Variants in LANCL3 observed in about 807,000 individuals in gnomAD.
LANCL3 encodes lanC-like protein 3.
In LANCL3, 19 loss-of-function variants were observed where a neutral mutation model predicts 26.5. The ratio of observed to expected loss-of-function variants is 0.72; its 90% CI spans 0.50 to 1.05. LANCL3 has a LOEUF of 1.05. Ranked by LOEUF, LANCL3 falls within the 50% of genes least tolerant of loss-of-function variation. The pLI is 0.00. For synonymous variants in LANCL3, 160 were observed against 166.6 expected (o/e 0.96, Z 0.30); for missense variants, 318 against 362.7 (o/e 0.88, Z 1.00).
Position 37,681,325 on chromosome X carries a change from A to G in LANCL3, c.*5512A>G, listed in dbSNP as rs1381162539. 1.8e-5 allele frequency: 2 copies of G among 112,520 alleles called. No homozygotes were observed. The highest frequency in any genetic ancestry group is 1.9e-4 in the Admixed American group (2 of 10,648). The allele number at this position is 112,520 out of a possible 1,213,427, so 9.3% of individuals were successfully genotyped here. On this transcript the variant is annotated 3_prime_UTR_variant, in exon 5 of 5. Coordinates refer to ENST00000378619, the MANE Select transcript of LANCL3 (RefSeq NM_001170331.2). ...ACTGAGTCTTCAAACTCTAGTGTGT[A>G]TTTTATACTTACTATACATCTCCAG...
chrX:37,645,530 A>G (rs1925964844), intron 1 of LANCL3, among the ~76,000 whole-genome samples: 1 of 112,595 alleles, frequency 8.9e-6, no homozygotes, highest in Non-Finnish European at 1.9e-5. Context: ...TCTGTCTTAC[A>G]TGCAGAATAT....
chrX:37,661,005 GGC>G (rs201503017), intron 3 of LANCL3, among the ~76,000 whole-genome samples: 26 of 89,702 alleles, frequency 2.9e-4, no homozygotes, highest in African/African-American at 1.5e-3. Flanking sequence ...CTTTTTTGTG[GGC>G]GGGGGGGGAA....
chrX:37,622,469 AT>A (rs1925193350), intron 1 of LANCL3, among the ~76,000 whole-genome samples: 2 of 110,414 alleles, frequency 1.8e-5, no homozygotes, highest in Non-Finnish European at 3.8e-5. Flanking sequence ...TGAAAAAAAA[AT>A]TTTTTTAACT....
At chrX:37,609,886 A>G (rs1406043318) in intron 1 of LANCL3, among the ~76,000 whole-genome samples, 1 of 111,805 alleles carries the variant, frequency 8.9e-6, no homozygotes, top group Non-Finnish European at 1.9e-5. Flanking sequence ...AGTGGAAAAT[A>G]TACTGTGACT....
chrX:37,593,636 A>G (rs1924349940), intron 1 of LANCL3, among the ~76,000 whole-genome samples: 1 of 112,301 alleles, frequency 8.9e-6, no homozygotes, highest in Non-Finnish European at 1.9e-5. Context: ...AAAACAATGA[A>G]CATGTATTTC....
intron 1 of LANCL3, among the ~76,000 whole-genome samples, chrX:37,607,957 A>G (rs781837298): frequency 3.6e-5 from 4 of 112,283 alleles, no homozygotes; most frequent in Admixed American, 9.4e-5. Context: ...TAGCTGTTTA[A>G]GGTATTTAGT....
intron 1 of LANCL3, among the ~76,000 whole-genome samples, chrX:37,602,803 A>T (rs1445579821): frequency 1.5e-4 from 17 of 111,471 alleles, no homozygotes; most frequent in African/African-American, 5.6e-4. Context: ...TTAATTAAAA[A>T]CAGCATGTAC....
intron 1 of LANCL3, among the ~76,000 whole-genome samples, chrX:37,631,910 G>GA (rs1280825765): frequency 9.1e-6 from 1 of 110,040 alleles, no homozygotes; most frequent in African/African-American, 3.3e-5. Context: ...GTGTGGTGCT[G>GA]AAAAAAAATG....
intron 1 of LANCL3, among the ~76,000 whole-genome samples, chrX:37,650,019 C>T (rs1302039424): frequency 6.3e-5 from 7 of 110,728 alleles, no homozygotes; most frequent in African/African-American, 9.9e-5. Context: ...AAAAAGATCC[C>T]GGCCAGGCGT....
chrX:37,614,920 C>T (rs1353779042), intron 1 of LANCL3, among the ~76,000 whole-genome samples: 3 of 112,457 alleles, frequency 2.7e-5, no homozygotes, highest in Non-Finnish European at 1.9e-5. Flanking sequence ...ACTCAATCCT[C>T]ACTATTATAC....
chrX:37,584,551 G>A (rs1924004683), intron 1 of LANCL3, among the ~76,000 whole-genome samples: 2 of 111,409 alleles, frequency 1.8e-5, no homozygotes, highest in South Asian at 3.8e-4. Flanking sequence ...TGTTGGGAGG[G>A]TGTATGTGTC....
intron 3 of LANCL3, among the ~76,000 whole-genome samples, chrX:37,661,011 G>C (rs782493852): frequency 9.4e-6 from 1 of 105,977 alleles, no homozygotes; most frequent in Admixed American, 1.0e-4. Context: ...TGTGGGCGGG[G>C]GGGGAACAAG....
At chrX:37,624,595 A>C (rs1354053901) in intron 1 of LANCL3, among the ~76,000 whole-genome samples, 3 of 112,068 alleles carry the variant, frequency 2.7e-5, no homozygotes, top group Non-Finnish European at 5.6e-5. Context: ...ACACAATTTA[A>C]ATCACTGTAA....
At position 37,684,421 on chromosome X, in the gene LANCL3, C is replaced by G. The variant is rs1055771027; in HGVS notation, c.*8608C>G. On this transcript the variant is annotated 3_prime_UTR_variant, in exon 5 of 5. Coordinates refer to ENST00000378619, the MANE Select transcript of LANCL3 (RefSeq NM_001170331.2). ...ATGTACAGTACACTTAATGTAAAAC[C>G]TGTGATAATCCTTTGCCTTAAAATA... is the stretch of plus-strand genomic sequence containing the variant. 4 of 112,681 alleles carry G rather than the reference C, an allele frequency of 3.5e-5. No homozygotes were observed. Among genetic ancestry groups the G allele is most frequent in the Non-Finnish European group, 5.6e-5 (3 of 53,341 alleles). 9.3% of individuals were successfully genotyped at this position (112,681 alleles called of 1,213,427 possible). A position where few individuals can be genotyped will look rare whatever the true frequency, so the allele number is the denominator to read the frequency against.
At chrX:37,640,522 A>G (rs1216381914) in intron 1 of LANCL3, among the ~76,000 whole-genome samples, 6 of 112,012 alleles carry the variant, frequency 5.4e-5, no homozygotes, top group Non-Finnish European at 9.4e-5. Context: ...TGTAATCTCC[A>G]TAGTGGCAGA....
intron 1 of LANCL3, among the ~76,000 whole-genome samples, chrX:37,577,565 T>G (rs1923784677): frequency 8.9e-6 from 1 of 112,311 alleles, no homozygotes; most frequent in Admixed American, 9.4e-5. Context: ...TTTGTTTAAG[T>G]AAGCTAGGAA....
At chrX:37,574,183 G>A (rs1433148714) in intron 1 of LANCL3, among the ~76,000 whole-genome samples, 4 of 110,499 alleles carry the variant, frequency 3.6e-5, no homozygotes, top group African/African-American at 9.9e-5. Flanking sequence ...GGCTTGAAAG[G>A]TGTAGGGCAG....
intron 1 of LANCL3, among the ~76,000 whole-genome samples, chrX:37,595,677 G>T (rs1324226454): frequency 2.7e-5 from 3 of 112,076 alleles, no homozygotes; most frequent in Non-Finnish European, 5.6e-5. Flanking sequence ...TACAATACCT[G>T]ACATCTAAAA....
intron 1 of LANCL3, among the ~76,000 whole-genome samples, chrX:37,587,412 G>A (rs782211435): frequency 2.5e-3 from 278 of 112,924 alleles, no homozygotes; most frequent in African/African-American, 8.5e-3. Context: ...TACAGAGGCA[G>A]GCAGGCCTCC....
Sources: allele counts gnomAD v4.1 joint callset (sites outside exome capture counted in the v4.1 genomes callset), GRCh38; gene constraint gnomAD v4.1.1; transcripts MANE v1.5; gene names NCBI Gene and HGNC (gene_info 2026-07-23, HGNC 2026-07-21).